The following TRPM6 variants were observed in gnomAD, a reference collection of about 807,000 sequenced individuals.
The protein encoded by TRPM6 is channel kinase 2.
In TRPM6, 111 loss-of-function variants were observed where a neutral mutation model predicts 247.6. The observed-to-expected ratio is 0.45, with a 90% CI of 0.38 to 0.52. The LOEUF is 0.52. Among genes scored for constraint, TRPM6 ranks in the 20% least tolerant of loss-of-function variants. The pLI, the probability that TRPM6 is intolerant of heterozygous loss-of-function variation, is 0.00. For synonymous variants in TRPM6, 892 were observed against 853.8 expected, an observed-to-expected ratio of 1.04 and a Z score of -0.78; for missense variants, 2,126 against 2,421.5, an observed-to-expected ratio of 0.88 and a Z score of 2.56.
chr9:74,851,216 C>A (rs961360290), intron 3 of TRPM6, among the ~76,000 whole-genome samples: 1 of 151,804 alleles, frequency 6.6e-6, no homozygotes, highest in Non-Finnish European at 1.5e-5. Flanking sequence ...TTTGAAGTCT[C>A]AAAGAACATA....
intron 27 of TRPM6, 132 bp from the exon 28 acceptor site, chr9:74,755,605 G>T: frequency 8.6e-7 from 1 of 1,159,362 alleles, no homozygotes; most frequent in Non-Finnish European, 1.3e-6. Flanking sequence ...CCTGGGAAGT[G>T]CTGACAAATC....
intron 1 of TRPM6, among the ~76,000 whole-genome samples, chr9:74,881,430 C>T (rs888904797): frequency 6.6e-6 from 1 of 151,974 alleles, no homozygotes; most frequent in African/African-American, 2.4e-5. Flanking sequence ...AAAGCATGCA[C>T]CCCAATATAT....
intron 27 of TRPM6, among the ~76,000 whole-genome samples, chr9:74,760,775 G>T (rs187244590): frequency 2.0e-5 from 3 of 152,228 alleles, no homozygotes; most frequent in Admixed American, 2.0e-4. Flanking sequence ...ATTAAGAGAT[G>T]GAGACTTTAA....
At chr9:74,832,660 T>C (rs1829585477) in intron 6 of TRPM6, among the ~76,000 whole-genome samples, 1 of 152,226 alleles carries the variant, frequency 6.6e-6, no homozygotes, top group Non-Finnish European at 1.5e-5. Context: ...AAATTGGCTA[T>C]GAGCTGGTAA....
At chr9:74,801,066 G>A (rs2119002905) in intron 16 of TRPM6, among the ~76,000 whole-genome samples, 1 of 151,904 alleles carries the variant, frequency 6.6e-6, no homozygotes, top group South Asian at 2.1e-4. Flanking sequence ...TTTTCGAGGA[G>A]AATGTTTCCT....
chr9:74,788,711 G>GTGAACAGC lies in TRPM6; in HGVS notation c.2562_2569dup (p.Thr857SerfsTer49), dbSNP rs1421444088. The GTGAACAGC allele has an allele frequency of 3.7e-6, 6 of 1,614,096 alleles. No homozygotes were observed. Among genetic ancestry groups the GTGAACAGC allele is most frequent in the Non-Finnish European group, 5.1e-6 (6 of 1,179,960 alleles). On this transcript the variant is annotated frameshift_variant, in exon 20 of 39. Transcript: ENST00000360774. LOFTEE classifies it high-confidence loss of function. ...CTGCATCTCCACCAACACGGTGTAAGTGAACAGCATGAGGAATGCCAAATA... is the reference window on the plus strand; with the variant it reads ...CTGCATCTCCACCAACACGGTGTAAGTGAACAGCTGAACAGCATGAGGAATGCCAAATA...
At chr9:74,834,770 T>C (rs1829667889) in intron 5 of TRPM6, among the ~76,000 whole-genome samples, 1 of 152,106 alleles carries the variant, frequency 6.6e-6, no homozygotes, top group Admixed American at 6.6e-5. Context: ...CATGAACTCA[T>C]CCCTTTTATG....
In TRPM6 at chr9:74,887,239, G is replaced by A. The variant is rs774482573; in HGVS notation, c.33+585C>T. 1.6e-5 allele frequency: 21 copies of A among 1,275,984 alleles called. No homozygotes were observed. In the African/African-American group the frequency reaches 3.0e-4, roughly 19 times the overall value. 79.0% of individuals were successfully genotyped at this position (1,275,984 alleles called of 1,614,324 possible). A position where few individuals can be genotyped will look rare whatever the true frequency, so the allele number is the denominator to read the frequency against. On this transcript the variant is annotated intron_variant, in intron 1 of 38. Transcript: ENST00000360774. Reference sequence around the variant, plus strand: ...GCGGGGCGGGTGTTTACCGTAACCGGCGCTGTCATCGCTCCGGGACTCCTG... The same window carrying A: ...GCGGGGCGGGTGTTTACCGTAACCGACGCTGTCATCGCTCCGGGACTCCTG...
intron 5 of TRPM6, among the ~76,000 whole-genome samples, chr9:74,839,135 A>G (rs1404899952): frequency 6.6e-6 from 1 of 151,834 alleles, no homozygotes; most frequent in African/African-American, 2.4e-5. Context: ...AAAGAAAAAG[A>G]AAACCACAGG....
At chr9:74,824,154 T>C (rs373079934) in intron 7 of TRPM6, among the ~76,000 whole-genome samples, 15 of 148,610 alleles carry the variant, frequency 1.0e-4, no homozygotes, top group South Asian at 6.3e-4. Context: ...TTCTGTTAGG[T>C]ACACTTTTTT....
At chr9:74,778,606 C>T (rs944241953) in intron 23 of TRPM6, among the ~76,000 whole-genome samples, 3 of 152,140 alleles carry the variant, frequency 2.0e-5, no homozygotes, top group Non-Finnish European at 4.4e-5. Context: ...TTCTCTGGGC[C>T]GTTTGCAGGA....
chr9:74,739,401 G>A lies in TRPM6; in HGVS notation c.5536C>T (p.Gln1846Ter). ...TAGGGTATGGTTTGTGGTTTCACTT[G>A]GTTGAAGGTATAGATCAATTTTTGA... Reference protein sequence around the residue: ...AAQKLIYTFNQVKPQTIPYTP... With the variant: ...AAQKLIYTFN Residue 1846 changes from glutamine (Q) to a stop codon, truncating the protein, a stop_gained, in exon 35 of 39, where the codon CAA (glutamine) becomes TAA (stop). Coordinates refer to ENST00000360774, the MANE Select transcript of TRPM6 (RefSeq NM_017662.5). LOFTEE classifies it high-confidence loss of function. 1.2e-6 allele frequency: 2 copies of A among 1,614,092 alleles called. No homozygotes were observed. The highest frequency in any genetic ancestry group is 1.7e-6 in the Non-Finnish European group (2 of 1,179,994).
intron 16 of TRPM6, among the ~76,000 whole-genome samples, chr9:74,800,831 G>A (rs1828300304): frequency 6.6e-6 from 1 of 150,894 alleles, no homozygotes. Flanking sequence ...ACATAGCTTG[G>A]TTTGGGACTT....
At chr9:74,783,488 C>G (rs539829803) in intron 21 of TRPM6, among the ~76,000 whole-genome samples, 1 of 152,298 alleles carries the variant, frequency 6.6e-6, no homozygotes, top group African/African-American at 2.4e-5. Flanking sequence ...TTGTCCAGAG[C>G]AGTTAAAAGC....
chr9:74,887,869 G>C lies in TRPM6; in HGVS notation c.-13C>G. 6.2e-7 allele frequency: 1 copy of C among 1,614,060 alleles called. No individual in the cohort carries two copies. Among genetic ancestry groups the C allele is most frequent in the South Asian group, 1.1e-5 (1 of 91,078 alleles). ...GTTGTTCTTTCATCTTTGATTTGCA[G>C]GCCCTGCTCCCAAAGCCCTGTCTGA... On this transcript the variant is annotated 5_prime_UTR_variant, in exon 1 of 39. Transcript: ENST00000360774.
At chr9:74,830,911 G>A (rs922764671) in intron 6 of TRPM6, among the ~76,000 whole-genome samples, 2 of 151,494 alleles carry the variant, frequency 1.3e-5, no homozygotes, top group Admixed American at 1.3e-4. Context: ...CCAAGAATGT[G>A]AATTGTTACC....
At chr9:74,845,964 G>T (rs1428375052) in intron 3 of TRPM6, among the ~76,000 whole-genome samples, 1 of 151,780 alleles carries the variant, frequency 6.6e-6, no homozygotes, top group Non-Finnish European at 1.5e-5. Flanking sequence ...TGACATTTTG[G>T]GATGGATGAT....
In TRPM6 at chr9:74,762,530, T is replaced by A. The variant is rs370726161; in HGVS notation, c.4141A>T (p.Thr1381Ser). 2.5e-6 allele frequency: 4 copies of A among 1,614,020 alleles called. No individual in the cohort carries two copies. The African/African-American group carries it at 5.3e-5, about 22-fold the overall frequency. Residue 1381 changes from threonine (T) to serine (S), a missense_variant, in exon 26 of 39, where the codon ACT (threonine) becomes TCT (serine). Physicochemically the swap from Thr to Ser is moderately conservative, Grantham distance 58 (BLOSUM62 1). Coordinates refer to ENST00000360774, the MANE Select transcript of TRPM6 (RefSeq NM_017662.5). Reference sequence around the variant, plus strand: ...CCAGTCAGATGAACAAGAACCTCAGTCTGGATGTCCTGTTCAGTTGCCAGC... The same window carrying A: ...CCAGTCAGATGAACAAGAACCTCAGACTGGATGTCCTGTTCAGTTGCCAGC... The part of the protein sequence containing the change: ...DVLATEQDIQ[T>S]EVLVHLTGQT...
At chr9:74,793,908 T>C (rs1215089124) in intron 18 of TRPM6, among the ~76,000 whole-genome samples, 1 of 152,048 alleles carries the variant, frequency 6.6e-6, no homozygotes, top group Non-Finnish European at 1.5e-5. Context: ...GAATTAGCAA[T>C]GAGTATATGT....
Sources: gnomAD v4.1 joint callset for allele counts (sites outside exome capture counted in the v4.1 genomes callset) on GRCh38, gnomAD v4.1.1 for gene constraint, MANE v1.5 for transcripts, NCBI Gene and HGNC (gene_info 2026-07-23, HGNC 2026-07-21) for gene names.